The following EXOC4 variants were observed in gnomAD, a reference collection of about 807,000 sequenced individuals.
The protein encoded by EXOC4 is exocyst complex component 4, also known as SEC8-like 1.
EXOC4 carries 71 observed loss-of-function variants against 107.2 expected under a neutral mutation model. The observed-to-expected ratio is 0.66, with a 90% confidence interval of 0.55 to 0.81. The LOEUF (loss-of-function observed/expected upper bound fraction) is 0.81, where lower values mean the gene tolerates loss of function less well. Among genes scored for constraint, EXOC4 ranks in the 30% least tolerant of loss-of-function variants. EXOC4 has a pLI of 0.00. For missense variants in EXOC4, 1,108 were observed against 1,189.6 expected, an observed-to-expected ratio of 0.93 and a Z score of 1.01; for synonymous variants, 456 against 441.2, an observed-to-expected ratio of 1.03 and a Z score of -0.42.
At chr7:133,481,249 A>G (rs934209559) in intron 9 of EXOC4, among the ~76,000 whole-genome samples, 2 of 152,176 alleles carry the variant, frequency 1.3e-5, no homozygotes, top group Non-Finnish European at 2.9e-5. Flanking sequence ...ACACACGTCA[A>G]TAACAATATC....
At chr7:134,088,024 A>G in the EXOC4 span, among the ~76,000 whole-genome samples, 2 of 152,204 alleles carry the variant, frequency 1.3e-5, no homozygotes, top group African/African-American at 2.4e-5. Flanking sequence ...TCAAATACCT[A>G]TAAGTTGAAT....
chr7:133,849,829 TA>T (rs2116247941), intron 11 of EXOC4, among the ~76,000 whole-genome samples: 1 of 152,318 alleles, frequency 6.6e-6, no homozygotes, highest in South Asian at 2.1e-4. Context: ...CTTACCAAAT[TA>T]ATACAACTTA....
intron 10 of EXOC4, among the ~76,000 whole-genome samples, chr7:133,786,935 C>T (rs1434436512): frequency 2.0e-5 from 3 of 152,146 alleles, no homozygotes; most frequent in Non-Finnish European, 2.9e-5. Flanking sequence ...GAAGTTGAAC[C>T]AGTTTCTGAA....
chr7:133,812,899 C>G (rs1429685359), intron 10 of EXOC4, among the ~76,000 whole-genome samples: 2 of 152,102 alleles, frequency 1.3e-5, no homozygotes, highest in African/African-American at 4.8e-5. Context: ...TCCCCTCCCC[C>G]ATCCCTTAGC....
intron 10 of EXOC4, among the ~76,000 whole-genome samples, chr7:133,683,373 G>T (rs1449985948): frequency 1.3e-5 from 2 of 152,074 alleles, no homozygotes; most frequent in East Asian, 3.9e-4. Flanking sequence ...TTAACTCACA[G>T]TGTACTGATT....
intron 10 of EXOC4, among the ~76,000 whole-genome samples, chr7:133,683,086 T>C (rs569773041): frequency 2.8e-4 from 43 of 152,328 alleles, no homozygotes; most frequent in African/African-American, 8.9e-4. Context: ...ATGACTCTTT[T>C]GAATGTCATC....
chr7:133,890,442 T>A (rs1286985417), intron 11 of EXOC4, among the ~76,000 whole-genome samples: 1 of 112,060 alleles, frequency 8.9e-6, no homozygotes, highest in Non-Finnish European at 1.7e-5. Context: ...ATCCCATTTG[T>A]CAATTTTGGC....
At chr7:133,357,551 A>G (rs1412912795) in intron 6 of EXOC4, among the ~76,000 whole-genome samples, 1 of 152,236 alleles carries the variant, frequency 6.6e-6, no homozygotes, top group Non-Finnish European at 1.5e-5. Context: ...TGACTATCAT[A>G]TACTAACAGA....
intron 17 of EXOC4, among the ~76,000 whole-genome samples, chr7:134,044,146 G>A (rs192899896): frequency 6.6e-6 from 1 of 152,152 alleles, no homozygotes; most frequent in African/African-American, 2.4e-5. Flanking sequence ...TGTAGAGTTT[G>A]CTCAAAAGAG....
intron 10 of EXOC4, among the ~76,000 whole-genome samples, chr7:133,756,881 ATTTAG>A (rs751125834): frequency 5.3e-5 from 8 of 152,216 alleles, no homozygotes; most frequent in East Asian, 1.9e-4. Context: ...TGATCTGATT[ATTTAG>A]TTTAGGAGAA....
rs1433752129 is a variant in EXOC4 at position 134,064,556 on chromosome 7, G to A, written c.*28G>A. On this transcript the variant is annotated 3_prime_UTR_variant, in exon 18 of 18. Coordinates refer to ENST00000253861, the MANE Select transcript of EXOC4 (RefSeq NM_021807.4). ...GGGCGTACTGCGGTTGGTGACGGGG[G>A]TCCCCTCAGTCACACTCACTTTTTT... 5.4e-6 allele frequency: 8 copies of A among 1,468,608 alleles called. No homozygotes were observed. The highest frequency in any genetic ancestry group is 7.4e-6 in the Non-Finnish European group (8 of 1,082,544). The allele number at this position is 1,468,608 out of a possible 1,614,324, so 91.0% of individuals were successfully genotyped here.
At chr7:133,860,545 CT>C (rs886160373) in intron 11 of EXOC4, among the ~76,000 whole-genome samples, 1 of 152,198 alleles carries the variant, frequency 6.6e-6, no homozygotes, top group African/African-American at 2.4e-5. Flanking sequence ...CCCCTTACAG[CT>C]GCTTTGTGAC....
At chr7:133,604,795 C>T (rs1801899801) in intron 9 of EXOC4, among the ~76,000 whole-genome samples, 2 of 132,028 alleles carry the variant, frequency 1.5e-5, no homozygotes, top group African/African-American at 5.6e-5. Flanking sequence ...GCAATCTTGG[C>T]TCACTGCAAC....
intron 11 of EXOC4, among the ~76,000 whole-genome samples, chr7:133,893,624 A>G (rs377042179): frequency 2.8e-5 from 2 of 72,190 alleles, no homozygotes; most frequent in South Asian, 6.7e-4. Flanking sequence ...CAGGCCTGGT[A>G]GTGACAAAAT....
chr7:133,952,263 A>C (rs1413171761), intron 14 of EXOC4, among the ~76,000 whole-genome samples: 38 of 152,194 alleles, frequency 2.5e-4, no homozygotes, highest in Non-Finnish European at 7.3e-5. Flanking sequence ...TAGCTCTGGG[A>C]CTCAGACCTT....
At chr7:133,501,278 T>TA (rs1799571311) in intron 9 of EXOC4, among the ~76,000 whole-genome samples, 1 of 152,192 alleles carries the variant, frequency 6.6e-6, no homozygotes, top group African/African-American at 2.4e-5. Flanking sequence ...AATTAAGACT[T>TA]TATGTTTTTC....
intron 7 of EXOC4, among the ~76,000 whole-genome samples, chr7:133,380,508 C>T (rs1274842211): frequency 2.6e-5 from 4 of 151,988 alleles, no homozygotes; most frequent in Non-Finnish European, 5.9e-5. Context: ...TTAGCAGTCA[C>T]TCCTCATATC....
chr7:133,397,101 CTTGT>C (rs1563050299), intron 7 of EXOC4, among the ~76,000 whole-genome samples: 1 of 146,282 alleles, frequency 6.8e-6, no homozygotes. Flanking sequence ...TCGATATCCT[CTTGT>C]TTGTTTTTGT....
chr7:134,078,332 T>C, the EXOC4 span, among the ~76,000 whole-genome samples: 109 of 151,258 alleles, frequency 7.2e-4, 1 homozygote, highest in Middle Eastern at 3.5e-3. Context: ...TATAATATTA[T>C]ATCTATAATA....
Sources: gnomAD v4.1 joint callset for allele counts (sites outside exome capture counted in the v4.1 genomes callset) on GRCh38, gnomAD v4.1.1 for gene constraint, MANE v1.5 for transcripts, NCBI Gene and HGNC (gene_info 2026-07-23, HGNC 2026-07-21) for gene names.